ATOSA: variants seen among roughly 807,000 people sequenced by gnomAD.
ATOSA encodes atos homolog A.
chr15:52,684,132 C>G, the ATOSA span, among the ~76,000 whole-genome samples: 3 of 152,336 alleles, frequency 2.0e-5, no homozygotes, highest in Admixed American at 6.5e-5. Flanking sequence ...TCACTATTCT[C>G]TAGAACTGCT....
chr15:52,647,158 T>C, the ATOSA span, among the ~76,000 whole-genome samples: 2 of 152,186 alleles, frequency 1.3e-5, no homozygotes, highest in Non-Finnish European at 2.9e-5. Flanking sequence ...GAAAATACTT[T>C]TGTTTTGTTT....
chr15:52,686,662 A>C, the ATOSA span, among the ~76,000 whole-genome samples: 1 of 152,180 alleles, frequency 6.6e-6, no homozygotes, highest in Non-Finnish European at 1.5e-5. Context: ...AGGCATAGAG[A>C]ATTCTAGGAG....
chr15:52,651,406 T>C, the ATOSA span, among the ~76,000 whole-genome samples: 1 of 152,188 alleles, frequency 6.6e-6, no homozygotes, highest in Non-Finnish European at 1.5e-5. Flanking sequence ...AAAATCTCAC[T>C]TAGTTAAATT....
the ATOSA span, among the ~76,000 whole-genome samples, chr15:52,620,044 T>C: frequency 6.6e-6 from 1 of 152,250 alleles, no homozygotes; most frequent in Non-Finnish European, 1.5e-5. Flanking sequence ...GGAGCTATGA[T>C]CAGACTGACT....
At chr15:52,648,864 A>T in the ATOSA span, 1 of 152,076 alleles carries the variant, frequency 6.6e-6, no homozygotes, top group East Asian at 1.9e-4. Context: ...GCTTATTATA[A>T]ACCTTCTCTT....
the ATOSA span, among the ~76,000 whole-genome samples, chr15:52,603,619 T>C: frequency 6.6e-6 from 1 of 151,984 alleles, no homozygotes; most frequent in Non-Finnish European, 1.5e-5. Flanking sequence ...GAAAATGTAG[T>C]ATATACACAA....
chr15:52,694,157 GAT>G, the ATOSA span, among the ~76,000 whole-genome samples: 95 of 115,460 alleles, frequency 8.2e-4, no homozygotes, highest in Non-Finnish European at 1.4e-3. Context: ...TGTATATATA[GAT>G]ATATATATAT....
chr15:52,610,003 G>C, the ATOSA span: 10 of 1,613,706 alleles, frequency 6.2e-6, no homozygotes, highest in East Asian at 4.5e-5. Context: ...TTTACTGCCA[G>C]TGCCTGGATA....
At chr15:52,623,557 T>C in the ATOSA span, among the ~76,000 whole-genome samples, 2 of 152,080 alleles carry the variant, frequency 1.3e-5, no homozygotes, top group South Asian at 4.2e-4. Flanking sequence ...CAAAAGGAGC[T>C]GGATTACAGG....
the ATOSA span, chr15:52,611,680 T>G: frequency 4.3e-6 from 7 of 1,614,024 alleles, no homozygotes; most frequent in South Asian, 6.6e-5. Context: ...ATCATCGCTG[T>G]AGCAGCAGTC....
At chr15:52,593,382 C>T in the ATOSA span, 21 of 518,442 alleles carry the variant, frequency 4.1e-5, no homozygotes, top group South Asian at 1.2e-4. Flanking sequence ...TTTTTAGTAC[C>T]ATCCTTAAAT....
the ATOSA span, among the ~76,000 whole-genome samples, chr15:52,607,782 CA>C: frequency 6.6e-6 from 1 of 152,006 alleles, no homozygotes; most frequent in African/African-American, 2.4e-5. Context: ...ATACAAAATC[CA>C]AGTAGTATTT....
chr15:52,618,556 G>C, the ATOSA span, among the ~76,000 whole-genome samples: 1 of 152,156 alleles, frequency 6.6e-6, no homozygotes, highest in Admixed American at 6.5e-5. Flanking sequence ...TCTATGACTT[G>C]TTATCCTTAT....
At chr15:52,619,150 A>C in the ATOSA span, among the ~76,000 whole-genome samples, 2 of 152,230 alleles carry the variant, frequency 1.3e-5, no homozygotes, top group Non-Finnish European at 2.9e-5. Context: ...ATGTGGTGAC[A>C]ACTTTTAGAA....
chr15:52,694,583 C>G, the ATOSA span, among the ~76,000 whole-genome samples: 5 of 151,912 alleles, frequency 3.3e-5, no homozygotes, highest in African/African-American at 9.7e-5. Context: ...ACTATAATCC[C>G]GCCACTTTGG....
chr15:52,625,460 G>T, the ATOSA span, among the ~76,000 whole-genome samples: 2 of 151,992 alleles, frequency 1.3e-5, no homozygotes, highest in African/African-American at 4.8e-5. Flanking sequence ...TCTTGGTCTT[G>T]TTAATCCACA....
the ATOSA span, among the ~76,000 whole-genome samples, chr15:52,632,071 T>TA: frequency 6.6e-6 from 1 of 152,196 alleles, no homozygotes; most frequent in Non-Finnish European, 1.5e-5. Flanking sequence ...CAGTATTTCT[T>TA]AAATAAGTTT....
At chr15:52,624,944 A>AT in the ATOSA span, among the ~76,000 whole-genome samples, 1 of 151,748 alleles carries the variant, frequency 6.6e-6, no homozygotes, top group Non-Finnish European at 1.5e-5. Flanking sequence ...CGCCCAGCTA[A>AT]TTTTTTGTAT....
At chr15:52,694,918 CTGTTTTTTTT>C in the ATOSA span, among the ~76,000 whole-genome samples, 15 of 124,660 alleles carry the variant, frequency 1.2e-4, no homozygotes, top group Admixed American at 7.1e-4. Flanking sequence ...TTTTTTTTTT[CTGTTTTTTTT>C]TGTTTTGTTT....
Sources: gnomAD v4.1 joint callset for allele counts (sites outside exome capture counted in the v4.1 genomes callset) on GRCh38, gnomAD v4.1.1 for gene constraint, MANE v1.5 for transcripts, NCBI Gene and HGNC (gene_info 2026-07-23, HGNC 2026-07-21) for gene names.